The following SRSF12 variants were observed in gnomAD, a reference collection of about 807,000 sequenced individuals.
The protein encoded by SRSF12 is serine/arginine-rich splicing factor 12.
In SRSF12, 21 loss-of-function variants were observed where a neutral mutation model predicts 34.1. The ratio of observed to expected loss-of-function variants is 0.62; its 90% CI spans 0.44 to 0.89. The LOEUF is 0.89. SRSF12 is among the 40% of genes least tolerant of loss of function. The probability of loss-of-function intolerance (pLI) is 0.00; values close to 1 mark genes in which losing one functional copy is unlikely to be tolerated. For synonymous variants in SRSF12, 111 were observed against 110.8 expected (o/e 1.00, Z -0.01); for missense variants, 278 against 327.8 (o/e 0.85, Z 1.17).
intron 1 of SRSF12, among the ~76,000 whole-genome samples, chr6:89,117,206 C>A (rs1769343774): frequency 6.6e-6 from 1 of 152,298 alleles, no homozygotes; most frequent in East Asian, 1.9e-4. Flanking sequence ...GGTGTTAATA[C>A]TGGACTCAGA....
chr6:89,104,223 C>CTTTTTTTTTTTTTT (rs138798211), intron 4 of SRSF12, among the ~76,000 whole-genome samples: 1 of 123,564 alleles, frequency 8.1e-6, no homozygotes, highest in Non-Finnish European at 1.7e-5. Flanking sequence ...AACTCATCAC[C>CTTTTTTTTTTTTTT]TTTTTTTTTT....
intron 4 of SRSF12, among the ~76,000 whole-genome samples, chr6:89,103,729 G>A (rs969001736): frequency 3.3e-5 from 5 of 151,820 alleles, no homozygotes; most frequent in African/African-American, 9.7e-5. Context: ...CAAAGTGCTG[G>A]GATTACAGGC....
intron 1 of SRSF12, among the ~76,000 whole-genome samples, chr6:89,115,209 G>A (rs1340160182): frequency 6.6e-6 from 1 of 152,012 alleles, no homozygotes; most frequent in Non-Finnish European, 1.5e-5. Context: ...GTGACCTCCC[G>A]GGCTCCCACC....
chr6:89,101,136 A>C (rs1768523578), intron 4 of SRSF12, among the ~76,000 whole-genome samples: 1 of 151,658 alleles, frequency 6.6e-6, no homozygotes, highest in Non-Finnish European at 1.5e-5. Context: ...GAAAAGAAAT[A>C]GTTAACTAAA....
At chr6:89,116,699 C>T (rs1769309338) in intron 1 of SRSF12, among the ~76,000 whole-genome samples, 1 of 151,586 alleles carries the variant, frequency 6.6e-6, no homozygotes, top group East Asian at 1.9e-4. Context: ...CGCTTGAACC[C>T]GGGAGGCAGA....
rs1482215511 is a variant in SRSF12 at position 89,105,170 on chromosome 6, C to T, written c.365G>A (p.Ser122Asn). 1 of 1,612,370 alleles carries T rather than the reference C, an allele frequency of 6.2e-7. No individual in the cohort carries two copies. The highest frequency in any genetic ancestry group is 8.5e-7 in the Non-Finnish European group (1 of 1,179,086). The change falls in exon 4 of 5, where the codon AGT becomes AAT. Residue 122 changes from serine to asparagine, a missense_variant. Transcript: ENST00000452027. ...ATTTCTTCCCCATGAAGAACTTCTA[C>T]TTCGAGTTCTTCTTTGGCTGGGGCT... is the stretch of plus-strand genomic sequence containing the variant. ...SRSPSQRRTRSRSSSWGRNRR... is the reference protein window; with the variant it reads ...SRSPSQRRTRNRSSSWGRNRR...
chr6:89,101,380 C>T (rs1194988878), intron 4 of SRSF12, among the ~76,000 whole-genome samples: 1 of 152,162 alleles, frequency 6.6e-6, no homozygotes, highest in African/African-American at 2.4e-5. Context: ...AAGAAAACTA[C>T]ACTGGGCACA....
chr6:89,105,628 G>C, intron 2 of SRSF12, 98 bp from the exon 3 acceptor site: 1 of 862,824 alleles, frequency 1.2e-6, no homozygotes, highest in South Asian at 2.8e-5. Flanking sequence ...GGAAAATCAA[G>C]TTCAAGTTAT....
In SRSF12 at chr6:89,098,866, C is replaced by T. The variant is rs756560840; in HGVS notation, c.498G>A (p.Gln166=). 3 of 1,613,928 alleles carry T rather than the reference C, an allele frequency of 1.9e-6. No individual in the cohort carries two copies. Among genetic ancestry groups the T allele is most frequent in the East Asian group, 2.2e-5 (1 of 44,880 alleles). The change falls in exon 5 of 5, where the codon CAG becomes CAA. Residue 166 remains glutamine (Q), a synonymous_variant. Transcript: ENST00000452027. ...CAAAATTCCTTCTTGGAGTTCTTGA[C>T]TGCCTTGCTGAGGTAGACCGCCTTG... is the stretch of plus-strand genomic sequence containing the variant. ...SLPRRSTSAR[Q]SRTPRRNFGS...
At position 89,117,766 on chromosome 6, in the gene SRSF12, C is replaced by G. The variant is rs1054474502; in HGVS notation, c.65+57G>C. Reference sequence around the variant, plus strand: ...GCCGGGCCTCGGCCGTGCTCCGCGGCGCGGCTGTTACCCCGCCCCTCCTCC... The same window carrying G: ...GCCGGGCCTCGGCCGTGCTCCGCGGGGCGGCTGTTACCCCGCCCCTCCTCC... On this transcript the variant is annotated intron_variant, in intron 1 of 4. Transcript: ENST00000452027. The G allele has an allele frequency of 6.7e-6, 10 of 1,493,072 alleles. No individual in the cohort carries two copies. The African/African-American group carries it at 8.8e-5, about 13-fold the overall frequency. The allele number at this position is 1,493,072 out of a possible 1,614,324, so 92.5% of individuals were successfully genotyped here. A position where few individuals can be genotyped will look rare whatever the true frequency, so the allele number is the denominator to read the frequency against.
At chr6:89,113,237 G>A (rs1428524653) in intron 1 of SRSF12, among the ~76,000 whole-genome samples, 1 of 151,924 alleles carries the variant, frequency 6.6e-6, no homozygotes, top group Non-Finnish European at 1.5e-5. Flanking sequence ...TGCAGTGGCC[G>A]GTATTGGCTC....
intron 1 of SRSF12, among the ~76,000 whole-genome samples, chr6:89,110,211 T>C (rs1461145418): frequency 6.6e-6 from 1 of 152,246 alleles, no homozygotes; most frequent in Non-Finnish European, 1.5e-5. Flanking sequence ...CTCCAGGTTC[T>C]TGGCATTTTT....
chr6:89,115,410 G>A (rs575788280), intron 1 of SRSF12, among the ~76,000 whole-genome samples: 2 of 152,084 alleles, frequency 1.3e-5, no homozygotes, highest in South Asian at 2.1e-4. Context: ...AGTCTCCTGA[G>A]TAGCTGGGAT....
At chr6:89,107,519 C>T (rs1768850324) in intron 1 of SRSF12, among the ~76,000 whole-genome samples, 1 of 152,062 alleles carries the variant, frequency 6.6e-6, no homozygotes, top group Admixed American at 6.6e-5. Context: ...CACTTGAACC[C>T]AGGAGTTCAA....
intron 1 of SRSF12, among the ~76,000 whole-genome samples, chr6:89,112,217 A>G (rs1395930973): frequency 6.6e-6 from 1 of 152,062 alleles, no homozygotes; most frequent in African/African-American, 2.4e-5. Context: ...CTCCCGGCCT[A>G]AAACTTATTT....
intron 1 of SRSF12, among the ~76,000 whole-genome samples, chr6:89,116,760 A>G (rs538746744): frequency 1.3e-4 from 19 of 149,324 alleles, no homozygotes; most frequent in African/African-American, 4.7e-4. Flanking sequence ...GGGGGACAAG[A>G]GCGAGACTTT....
At chr6:89,107,346 G>A in intron 1 of SRSF12, 88 bp from the exon 2 acceptor site, 3 of 956,236 alleles carry the variant, frequency 3.1e-6, no homozygotes, top group African/African-American at 1.7e-5. Flanking sequence ...ACCTTCAAAA[G>A]AAAGAACATC....
At chr6:89,109,620 G>A (rs1340570815) in intron 1 of SRSF12, among the ~76,000 whole-genome samples, 1 of 152,200 alleles carries the variant, frequency 6.6e-6, no homozygotes, top group Non-Finnish European at 1.5e-5. Context: ...TCTGGAGTCT[G>A]GAAGCCAAGG....
chr6:89,102,323 T>C (rs751345999), intron 4 of SRSF12, among the ~76,000 whole-genome samples: 3 of 152,130 alleles, frequency 2.0e-5, no homozygotes, highest in Non-Finnish European at 4.4e-5. Context: ...TTTGTATTTT[T>C]AGTAGAGATG....
Sources: allele counts gnomAD v4.1 joint callset (sites outside exome capture counted in the v4.1 genomes callset), GRCh38; gene constraint gnomAD v4.1.1; transcripts MANE v1.5; gene names NCBI Gene and HGNC (gene_info 2026-07-23, HGNC 2026-07-21).